The following ANK1 variants were observed in gnomAD, a reference collection of about 807,000 sequenced individuals.
ANK1 encodes the protein ankyrin 1, also known as ankyrin-1.
A neutral mutation model predicts 210.4 loss-of-function variants in ANK1; 51 were observed. The observed-to-expected ratio is 0.24, with a 90% confidence interval of 0.19 to 0.31. The LOEUF is 0.31. ANK1 is among the 10% of genes least tolerant of loss of function. ANK1 has a pLI of 1.00. For synonymous variants in ANK1, 967 were observed against 1,025.9 expected (o/e 0.94, Z 1.10); for missense variants, 2,051 against 2,504.4 (o/e 0.82, Z 3.86).
chr8:41,711,813 G>C (rs1458780022), intron 16 of ANK1, among the ~76,000 whole-genome samples: 2 of 152,134 alleles, frequency 1.3e-5, no homozygotes, highest in Non-Finnish European at 2.9e-5. Flanking sequence ...AGGACCTCTT[G>C]ATGCTGTGTT....
chr8:41,732,872 G>A (rs2150671196), intron 3 of ANK1, among the ~76,000 whole-genome samples: 1 of 152,118 alleles, frequency 6.6e-6, no homozygotes, highest in African/African-American at 2.4e-5. Flanking sequence ...TGAGTAGCTG[G>A]GATTACAGGC....
rs181344648 is a variant in ANK1, at chr8:41,795,759, T to C, written c.27+1753A>G. 3.3e-5 allele frequency among the ~76,000 whole-genome samples: 5 copies of C among 151,186 alleles called. No homozygotes were observed. The South Asian group carries it at 6.3e-4, about 19-fold the overall frequency. ...GATACCAGAGACCAGGAAGGGTGGG[T>C]GGGGGGCAAGAGAATGAAGAGAGAT... is the stretch of plus-strand genomic sequence containing the variant. On this transcript the variant is annotated intron_variant, in intron 1 of 42. Coordinates refer to ENST00000289734, the MANE Select transcript of ANK1 (RefSeq NM_000037.4).
chr8:41,889,807 T>C (rs999798999), intron 1 of ANK1, among the ~76,000 whole-genome samples: 1 of 152,242 alleles, frequency 6.6e-6, no homozygotes, highest in African/African-American at 2.4e-5. Flanking sequence ...CCCTCTGATA[T>C]ACAGCACTGG....
At chr8:41,690,156 TG>T (rs1818863368) in intron 33 of ANK1, 70 bp downstream of exon 33, 7 of 1,607,818 alleles carry the variant, frequency 4.4e-6, no homozygotes, top group Non-Finnish European at 6.0e-6. Context: ...GTGCTGGACC[TG>T]GGGTCTGTTT....
intron 1 of ANK1, among the ~76,000 whole-genome samples, chr8:41,860,252 C>T (rs976671190): frequency 6.6e-6 from 1 of 152,176 alleles, no homozygotes; most frequent in African/African-American, 2.4e-5. Flanking sequence ...TTATCCCCCA[C>T]GCTGGACAGT....
intron 1 of ANK1, among the ~76,000 whole-genome samples, chr8:41,771,189 G>A (rs1368337402): frequency 6.6e-6 from 1 of 152,094 alleles, no homozygotes; most frequent in Non-Finnish European, 1.5e-5. Flanking sequence ...TAAGAGATAC[G>A]TGACTTAATA....
rs1023588344 is a variant in ANK1 at position 41,665,418 on chromosome 8, G to A, written c.5395-1676C>T. On this transcript the variant is annotated intron_variant, in intron 39 of 42. Coordinates refer to ENST00000289734, the MANE Select transcript of ANK1 (RefSeq NM_000037.4). ...GAAAGTCACTGTGTGAGTGACACCC[G>A]CTGCTGCCTAACCCCGCCCTGCCCA... 13 of 565,352 alleles carry A rather than the reference G, an allele frequency of 2.3e-5. No individual in the cohort carries two copies. In the East Asian group the frequency reaches 5.3e-4, roughly 23 times the overall value. 35.0% of individuals were successfully genotyped at this position (565,352 alleles called of 1,614,324 possible). A position where few individuals can be genotyped will look rare whatever the true frequency, so the allele number is the denominator to read the frequency against.
chr8:41,758,195 C>G lies in ANK1; in HGVS notation c.28-58G>C, dbSNP rs1394415897. 2.7e-6 allele frequency: 4 copies of G among 1,481,094 alleles called. No individual in the cohort carries two copies. The East Asian group carries it at 6.8e-5, about 25-fold the overall frequency. 91.7% of individuals were successfully genotyped at this position (1,481,094 alleles called of 1,614,324 possible). ...TGGGTGTATTAATGACTTCTCCACCCCGTTCAAGTCCCAGGCCCCCGCAGC... is the reference window on the plus strand; with the variant it reads ...TGGGTGTATTAATGACTTCTCCACCGCGTTCAAGTCCCAGGCCCCCGCAGC... On this transcript the variant is annotated intron_variant, in intron 1 of 42. Coordinates refer to ENST00000289734, the MANE Select transcript of ANK1 (RefSeq NM_000037.4).
intron 2 of ANK1, among the ~76,000 whole-genome samples, chr8:41,750,395 T>G (rs1837416154): frequency 6.6e-6 from 1 of 152,186 alleles, no homozygotes; most frequent in African/African-American, 2.4e-5. Flanking sequence ...ACTCGACCCG[T>G]GGGGCTAACG....
At chr8:41,764,511 T>C (rs1427227991) in intron 1 of ANK1, among the ~76,000 whole-genome samples, 1 of 152,202 alleles carries the variant, frequency 6.6e-6, no homozygotes, top group Non-Finnish European at 1.5e-5. Flanking sequence ...GCAGAATGAC[T>C]GGCCCTCTCC....
intron 1 of ANK1, among the ~76,000 whole-genome samples, chr8:41,885,671 A>T (rs577116134): frequency 7.9e-5 from 12 of 152,338 alleles, no homozygotes; most frequent in African/African-American, 2.9e-4. Context: ...GTGTAACCTC[A>T]GATCAGCAGG....
chr8:41,787,546 C>T (rs892490927), intron 1 of ANK1, among the ~76,000 whole-genome samples: 1 of 152,168 alleles, frequency 6.6e-6, no homozygotes, highest in Non-Finnish European at 1.5e-5. Flanking sequence ...CCAGTGCAAT[C>T]AACACAGAGA....
chr8:41,792,481 T>C (rs1298180690), intron 1 of ANK1, among the ~76,000 whole-genome samples: 1 of 152,202 alleles, frequency 6.6e-6, no homozygotes, highest in Admixed American at 6.5e-5. Context: ...CTCAGACTCA[T>C]TCATGGGTTT....
chr8:41,803,090 A>AAGGGAAGGGAAGGG (rs777806034), intron 1 of ANK1, among the ~76,000 whole-genome samples: 1,835 of 24,650 alleles, frequency 0.074, 32 homozygotes, highest in South Asian at 0.14. Context: ...GAAGGGAAGG[A>AAGGGAAGGGAAGGG]AAGGAAAGGA....
intron 1 of ANK1, among the ~76,000 whole-genome samples, chr8:41,894,194 G>T (rs762113945): frequency 6.6e-6 from 1 of 151,952 alleles, no homozygotes; most frequent in Non-Finnish European, 1.5e-5. Context: ...AAGAGTATGC[G>T]TCACTGCTAT....
chr8:41,858,456 CTG>C (rs1279602840), intron 1 of ANK1, among the ~76,000 whole-genome samples: 2 of 152,192 alleles, frequency 1.3e-5, no homozygotes, highest in East Asian at 3.8e-4. Flanking sequence ...ATGGGAAACA[CTG>C]GGGGAGGCCC....
chr8:41,823,315 C>T (rs993863733), intron 1 of ANK1, among the ~76,000 whole-genome samples: 1 of 152,076 alleles, frequency 6.6e-6, no homozygotes, highest in Non-Finnish European at 1.5e-5. Context: ...AGAAAAAAAC[C>T]GCCCAACTTG....
intron 24 of ANK1, among the ~76,000 whole-genome samples, chr8:41,697,111 G>A (rs1490147541): frequency 2.0e-5 from 3 of 152,184 alleles, no homozygotes; most frequent in African/African-American, 7.2e-5. Flanking sequence ...CTCTGCCCAT[G>A]GGGAGCCCTG....
Position 41,672,861 on chromosome 8 carries a change from G to A in ANK1, c.4589C>T (p.Ala1530Val). The A allele has an allele frequency of 6.2e-7, 1 of 1,609,568 alleles. No homozygotes were observed. The highest frequency in any genetic ancestry group is 8.5e-7 in the Non-Finnish European group (1 of 1,179,940). ...GTCTGCACGTAGCGGAGAGGAAAGT[G>A]CACAGCCCAGGGAGGCAGGGGACAG... ...ELLSPASLGC[A>V]LSSPLRADQY... Residue 1530 changes from alanine to valine, a missense_variant, in exon 38 of 43, where the codon GCA becomes GTA. Physicochemically the swap from Ala to Val is moderately conservative, Grantham distance 64. Coordinates refer to ENST00000289734, the MANE Select transcript of ANK1 (RefSeq NM_000037.4).
Sources: allele counts gnomAD v4.1 joint callset (sites outside exome capture counted in the v4.1 genomes callset), GRCh38; gene constraint gnomAD v4.1.1; transcripts MANE v1.5; gene names NCBI Gene and HGNC (gene_info 2026-07-23, HGNC 2026-07-21).